ECM2: variants seen among roughly 807,000 people sequenced by gnomAD.
The protein encoded by ECM2 is extracellular matrix protein 2, female organ and adipocyte specific.
ECM2 carries 57 observed loss-of-function variants against 67.5 expected under a neutral mutation model. The ratio of observed to expected loss-of-function variants is 0.84; its 90% CI spans 0.68 to 1.05. ECM2 has a LOEUF of 1.05. Ranked by LOEUF, ECM2 falls within the 50% of genes least tolerant of loss-of-function variation. The pLI is 0.00. For missense variants in ECM2, 741 were observed against 822.8 expected, an observed-to-expected ratio of 0.90 and a Z score of 1.22; for synonymous variants, 258 against 294.5, an observed-to-expected ratio of 0.88 and a Z score of 1.27.
chr9:92,495,319 G>T lies in ECM2; in HGVS notation c.*996C>A. On this transcript the variant is annotated 3_prime_UTR_variant, in exon 10 of 10. Coordinates refer to ENST00000344604, the MANE Select transcript of ECM2 (RefSeq NM_001393.4). ...GCAATACAAAGATAAAAATCATTAT[G>T]TTAGAAAATTTTAATATATGATTTT... is the stretch of plus-strand genomic sequence containing the variant. 1.1e-6 allele frequency: 1 copy of T among 874,364 alleles called. No individual in the cohort carries two copies. Among genetic ancestry groups the T allele is most frequent in the South Asian group, 5.3e-5 (1 of 18,866 alleles). 54.2% of individuals were successfully genotyped at this position (874,364 alleles called of 1,614,324 possible).
chr9:92,547,508 T>C, the ECM2 span, among the ~76,000 whole-genome samples: 5 of 152,224 alleles, frequency 3.3e-5, no homozygotes, highest in African/African-American at 1.2e-4. Flanking sequence ...GCTGAAAGTG[T>C]CACCACATGG....
intron 1 of ECM2, among the ~76,000 whole-genome samples, chr9:92,533,042 T>C (rs1419638642): frequency 6.6e-6 from 1 of 151,864 alleles, no homozygotes; most frequent in Non-Finnish European, 1.5e-5. Context: ...CTCAAGTCTG[T>C]AATGACAGCA....
intron 9 of ECM2, among the ~76,000 whole-genome samples, chr9:92,497,610 G>A (rs1489898723): frequency 6.9e-6 from 1 of 144,684 alleles, no homozygotes; most frequent in Non-Finnish European, 1.5e-5. Context: ...GGCAACAAGA[G>A]CAAAACTCTG....
At position 92,512,182 on chromosome 9, in the gene ECM2, A is replaced by G. The variant is rs150792948; in HGVS notation, c.1055-56T>C. ...TGTGTGCATATACATACATGTACACACATGTATGGGCATGTGTGCATAGAT... is the reference window on the plus strand; with the variant it reads ...TGTGTGCATATACATACATGTACACGCATGTATGGGCATGTGTGCATAGAT... On this transcript the variant is annotated intron_variant, in intron 4 of 9. Coordinates refer to ENST00000344604, the MANE Select transcript of ECM2 (RefSeq NM_001393.4). 7.6e-4 allele frequency: 907 copies of G among 1,200,446 alleles called. 7 individuals are homozygous for G. The African/African-American group carries it at 0.013, about 17-fold the overall frequency. The allele number at this position is 1,200,446 out of a possible 1,614,324, so 74.4% of individuals were successfully genotyped here.
At chr9:92,552,014 G>A in the ECM2 span, among the ~76,000 whole-genome samples, 2 of 141,832 alleles carry the variant, frequency 1.4e-5, no homozygotes, top group Non-Finnish European at 3.0e-5. Context: ...GTATATATAT[G>A]ATATGATAGA....
In ECM2 at chr9:92,495,596, T is replaced by C; in HGVS notation, c.*719A>G. ...AGGAATAGTGAAGGTAATCTTAATA[T>C]ACTGTTTAACTTTAAAAAATAATTT... On this transcript the variant is annotated 3_prime_UTR_variant, in exon 10 of 10. Transcript: ENST00000344604. 1 of 972,892 alleles carries C rather than the reference T, an allele frequency of 1.0e-6. No homozygotes were observed. The highest frequency in any genetic ancestry group is 1.2e-6 in the Non-Finnish European group (1 of 818,442). 60.3% of individuals were successfully genotyped at this position (972,892 alleles called of 1,614,324 possible). A position where few individuals can be genotyped will look rare whatever the true frequency, so the allele number is the denominator to read the frequency against.
At chr9:92,517,647 T>G in intron 3 of ECM2, 40 bp downstream of exon 3, 1 of 1,609,038 alleles carries the variant, frequency 6.2e-7, no homozygotes, top group Non-Finnish European at 8.5e-7. Flanking sequence ...AGTTAAAGAT[T>G]AATCACACAC....
chr9:92,505,824 C>G (rs1211700692), intron 6 of ECM2, 134 bp from the exon 7 acceptor site: 1 of 687,336 alleles, frequency 1.5e-6, no homozygotes, highest in Non-Finnish European at 2.4e-6. Context: ...CCTTTGTATC[C>G]TCCTATAAAA....
At chr9:92,523,951 C>T (rs2131250927) in intron 1 of ECM2, among the ~76,000 whole-genome samples, 1 of 152,312 alleles carries the variant, frequency 6.6e-6, no homozygotes, top group African/African-American at 2.4e-5. Flanking sequence ...TAAGCCTTTT[C>T]CCCAACAACA....
At chr9:92,518,020 G>T in intron 2 of ECM2, 145 bp from the exon 3 acceptor site, 1 of 960,890 alleles carries the variant, frequency 1.0e-6, no homozygotes, top group Non-Finnish European at 1.5e-6. Flanking sequence ...TAAAGATGTC[G>T]TATAGACATA....
At chr9:92,540,479 A>G (rs1849292620), upstream of ECM2, among the ~76,000 whole-genome samples, 1 of 151,934 alleles carries the variant, frequency 6.6e-6, no homozygotes, top group Non-Finnish European at 1.5e-5. Context: ...ACATCTTAAA[A>G]TAATCAATGA....
At chr9:92,525,203 A>C (rs1848315910) in intron 1 of ECM2, among the ~76,000 whole-genome samples, 1 of 152,152 alleles carries the variant, frequency 6.6e-6, no homozygotes, top group African/African-American at 2.4e-5. Flanking sequence ...CTGTAGTCCT[A>C]GCTACTCAGG....
At chr9:92,556,089 T>C in the ECM2 span, among the ~76,000 whole-genome samples, 4,877 of 152,268 alleles carry the variant, frequency 0.032, 108 homozygotes, top group South Asian at 0.086. Flanking sequence ...GGTTGTGTCA[T>C]TATTGTCATC....
chr9:92,556,483 A>G, the ECM2 span, among the ~76,000 whole-genome samples: 1 of 152,308 alleles, frequency 6.6e-6, no homozygotes, highest in East Asian at 1.9e-4. Context: ...TCTTAGGTCT[A>G]TTAATAATTG....
intron 2 of ECM2, among the ~76,000 whole-genome samples, chr9:92,519,300 A>G (rs1033962601): frequency 3.3e-5 from 5 of 152,212 alleles, no homozygotes; most frequent in Non-Finnish European, 7.3e-5. Context: ...CTTTTTTTGC[A>G]GAAATGGAAA....
chr9:92,493,983 G>T, downstream of ECM2: 1 of 1,165,520 alleles, frequency 8.6e-7, no homozygotes, highest in East Asian at 2.4e-5. Context: ...GTCTCCTGGC[G>T]GCCCTCAGGC....
chr9:92,522,549 G>T, intron 2 of ECM2, 26 bp downstream of exon 2: 2 of 1,548,346 alleles, frequency 1.3e-6, no homozygotes, highest in South Asian at 1.2e-5. Context: ...CCCTCTTTCT[G>T]TCTCTCTCTC....
At chr9:92,503,342 G>A (rs1846800936) in intron 7 of ECM2, among the ~76,000 whole-genome samples, 1 of 152,148 alleles carries the variant, frequency 6.6e-6, no homozygotes, top group Admixed American at 6.5e-5. Flanking sequence ...GGAGAGACAG[G>A]GAAGCCCACC....
rs966044779 is a variant in ECM2, at chr9:92,496,014, GTGTT to G, written c.*297_*300del. ...AGTATTCAAGTTGATTATAAAGGCT[GTGTT>G]TATTTTGTTCCAGACTCTTCTGGTC... On this transcript the variant is annotated 3_prime_UTR_variant, in exon 10 of 10. Transcript: ENST00000344604. 4.0e-6 allele frequency: 4 copies of G among 1,006,596 alleles called. No homozygotes were observed. In the African/African-American group the frequency reaches 6.9e-5, roughly 17 times the overall value. The allele number at this position is 1,006,596 out of a possible 1,614,324, so 62.4% of individuals were successfully genotyped here. A position where few individuals can be genotyped will look rare whatever the true frequency, so the allele number is the denominator to read the frequency against.
Sources: allele counts gnomAD v4.1 joint callset (sites outside exome capture counted in the v4.1 genomes callset), GRCh38; gene constraint gnomAD v4.1.1; transcripts MANE v1.5; gene names NCBI Gene and HGNC (gene_info 2026-07-23, HGNC 2026-07-21).